Variants in ACO2 observed in about 807,000 individuals in gnomAD.
ACO2 encodes aconitase 2.
Under a neutral mutation model 84.5 loss-of-function variants are expected in ACO2, and 31 were observed. The ratio of observed to expected loss-of-function variants is 0.37; its 90% CI spans 0.28 to 0.50. The LOEUF is 0.50. ACO2 is among the 20% of genes least tolerant of loss of function. The pLI is 0.97. For synonymous variants in ACO2, 414 were observed against 412.7 expected, an observed-to-expected ratio of 1.00 and a Z score of -0.04; for missense variants, 685 against 1,029.3, an observed-to-expected ratio of 0.67 and a Z score of 4.58.
chr22:41,524,132 T>C (rs193287078), intron 12 of ACO2, among the ~76,000 whole-genome samples, 191 bp downstream of exon 12: 27 of 152,296 alleles, frequency 1.8e-4, no homozygotes, highest in Admixed American at 1.4e-3. Flanking sequence ...TTATGAGATA[T>C]TTATACAGTG....
intron 1 of ACO2, among the ~76,000 whole-genome samples, chr22:41,487,741 A>T (rs1239276614): frequency 6.6e-6 from 1 of 152,060 alleles, no homozygotes; most frequent in Non-Finnish European, 1.5e-5. Context: ...ATCTAGGATG[A>T]GAATCCACCT....
At chr22:41,496,315 C>CA (rs950877012) in intron 1 of ACO2, among the ~76,000 whole-genome samples, 8 of 150,144 alleles carry the variant, frequency 5.3e-5, no homozygotes, top group Non-Finnish European at 1.2e-4. Flanking sequence ...GACCCTGTCT[C>CA]AAAAAAAAAG....
chr22:41,477,719 A>G (rs1333665211), intron 1 of ACO2, among the ~76,000 whole-genome samples: 2 of 152,082 alleles, frequency 1.3e-5, no homozygotes, highest in Non-Finnish European at 2.9e-5. Flanking sequence ...GCCCCTGCAG[A>G]TGGCCCGCGG....
intron 1 of ACO2, among the ~76,000 whole-genome samples, chr22:41,482,499 C>T (rs2038100852): frequency 6.6e-6 from 1 of 152,248 alleles, no homozygotes; most frequent in South Asian, 2.1e-4. Context: ...CAAAACAGAT[C>T]TGTGGGCATC....
chr22:41,528,253 G>A (rs929568864), intron 17 of ACO2: 5 of 829,456 alleles, frequency 6.0e-6, no homozygotes, highest in African/African-American at 5.2e-5. Context: ...CCAGGACCTG[G>A]CACTCAGGGG....
intron 16 of ACO2, 26 bp downstream of exon 16, chr22:41,527,446 A>G: frequency 6.3e-7 from 1 of 1,590,890 alleles, no homozygotes. Context: ...TACCCAGGCC[A>G]TCCTCATCCC....
intron 1 of ACO2, among the ~76,000 whole-genome samples, chr22:41,497,836 T>A (rs1293403816): frequency 1.3e-5 from 2 of 149,578 alleles, no homozygotes; most frequent in Non-Finnish European, 3.0e-5. Context: ...TGAGCCAAGA[T>A]CATGCCACTG....
Position 41,524,933 on chromosome 22 carries a change from C to T in ACO2, c.1570C>T (p.Leu524=), listed in dbSNP as rs2066566290. Residue 524 remains leucine (L), a synonymous_variant, in exon 13 of 18, where the codon CTG becomes TTG. Coordinates refer to ENST00000216254, the MANE Select transcript of ACO2 (RefSeq NM_001098.3). ...GGGCACGGATGGCAAGAAGTTCAGG[C>T]TGGAGGCTCCGGATGCAGATGAGCT... ...LTGTDGKKFR[L]EAPDADELPK... The T allele has an allele frequency of 6.2e-6, 10 of 1,614,098 alleles. No homozygotes were observed. The highest frequency in any genetic ancestry group is 8.5e-6 in the Non-Finnish European group (10 of 1,180,050).
intron 12 of ACO2, 63 bp downstream of exon 12, chr22:41,524,004 G>C: frequency 6.9e-7 from 1 of 1,456,334 alleles, no homozygotes; most frequent in Non-Finnish European, 9.6e-7. Context: ...CGGGTCAGAG[G>C]AGGAGGCAGA....
intron 4 of ACO2, among the ~76,000 whole-genome samples, chr22:41,514,159 T>G (rs916209384): frequency 2.0e-5 from 3 of 152,180 alleles, no homozygotes; most frequent in Non-Finnish European, 4.4e-5. Flanking sequence ...AGGCAGATGC[T>G]TGTCCTGAGG....
chr22:41,527,330 G>A lies in ACO2; in HGVS notation c.1996G>A (p.Gly666Ser), dbSNP rs1205084786. The change falls in exon 16 of 18, where the codon GGC (glycine) becomes AGC (serine). Residue 666 changes from glycine (G) to serine (S), a missense_variant. Gly to Ser is a moderately conservative substitution (Grantham distance 56). Coordinates refer to ENST00000216254, the MANE Select transcript of ACO2 (RefSeq NM_001098.3). ...GGTGGTGATCGGAGACGAGAACTACGGCGAGGGCTCGAGCCGGGAGCATGC... is the reference window on the plus strand; with the variant it reads ...GGTGGTGATCGGAGACGAGAACTACAGCGAGGGCTCGAGCCGGGAGCATGC... ...RWVVIGDENY[G>S]EGSSREHAAL... 3 of 1,614,132 alleles carry A rather than the reference G, an allele frequency of 1.9e-6. No homozygotes were observed. The highest frequency in any genetic ancestry group is 2.2e-5 in the East Asian group (1 of 44,878).
intron 1 of ACO2, among the ~76,000 whole-genome samples, chr22:41,498,313 TA>T (rs545341748): frequency 1.4e-3 from 201 of 147,568 alleles, no homozygotes; most frequent in African/African-American, 4.0e-3. Context: ...CACTATCTCT[TA>T]AAAAAAAAAA....
At chr22:41,481,745 T>A (rs2038090272) in intron 1 of ACO2, among the ~76,000 whole-genome samples, 1 of 152,228 alleles carries the variant, frequency 6.6e-6, no homozygotes. Flanking sequence ...TAACTTGAGT[T>A]TGAAAGCACA....
intron 15 of ACO2, chr22:41,527,069 A>C (rs2066614685): frequency 1.6e-6 from 1 of 640,310 alleles, no homozygotes; most frequent in Non-Finnish European, 2.7e-6. Context: ...GCCACTGCAA[A>C]CAACCACGTG....
chr22:41,475,645 A>G (rs992506172), intron 1 of ACO2, among the ~76,000 whole-genome samples: 1 of 152,144 alleles, frequency 6.6e-6, no homozygotes, highest in African/African-American at 2.4e-5. Flanking sequence ...CTGTAATCCC[A>G]GCACTTTGGG....
intron 2 of ACO2, among the ~76,000 whole-genome samples, chr22:41,507,421 G>GGTT (rs776438917): frequency 2.0e-5 from 3 of 152,090 alleles, no homozygotes; most frequent in South Asian, 2.1e-4. Context: ...TGGCTTTCTT[G>GGTT]GTTGTTGTTG....
intron 2 of ACO2, among the ~76,000 whole-genome samples, chr22:41,503,877 C>T (rs1474479225): frequency 6.6e-6 from 1 of 152,082 alleles, no homozygotes; most frequent in Admixed American, 6.5e-5. Context: ...GCTGAGAAAC[C>T]CTGACACGGA....
intron 1 of ACO2, among the ~76,000 whole-genome samples, chr22:41,487,005 T>C (rs1431843140): frequency 6.6e-6 from 1 of 152,126 alleles, no homozygotes; most frequent in Admixed American, 6.6e-5. Flanking sequence ...TGCCTCAGCC[T>C]CCCGAGTAGC....
intron 1 of ACO2, among the ~76,000 whole-genome samples, chr22:41,497,086 C>T (rs1011352415): frequency 1.3e-4 from 19 of 148,380 alleles, no homozygotes; most frequent in Non-Finnish European, 1.9e-4. Flanking sequence ...TTTTTTTTTT[C>T]GAGACGGAGT....
Sources: allele counts gnomAD v4.1 joint callset (sites outside exome capture counted in the v4.1 genomes callset), GRCh38; gene constraint gnomAD v4.1.1; transcripts MANE v1.5; gene names NCBI Gene and HGNC (gene_info 2026-07-23, HGNC 2026-07-21).